The following KIF16B variants were observed in gnomAD, a reference collection of about 807,000 sequenced individuals.
KIF16B encodes kinesin family member 16B.
Under a neutral mutation model 156.3 loss-of-function variants are expected in KIF16B, and 98 were observed. That is an observed-to-expected ratio of 0.63 (90% CI 0.53 to 0.74). KIF16B has a LOEUF of 0.74. Among genes scored for constraint, KIF16B ranks in the 30% least tolerant of loss-of-function variants. The pLI, the probability that KIF16B is intolerant of heterozygous loss-of-function variation, is 0.00. For missense variants in KIF16B, 1,421 were observed against 1,606.5 expected (o/e 0.88, Z 1.97); for synonymous variants, 564 against 583.7 (o/e 0.97, Z 0.49).
chr20:16,352,460 A>T (rs2064356272), intron 23 of KIF16B, among the ~76,000 whole-genome samples: 1 of 152,184 alleles, frequency 6.6e-6, no homozygotes, highest in African/African-American at 2.4e-5. Context: ...TTTAAAGACC[A>T]GTGGTGGAAA....
At chr20:16,407,084 A>C (rs1301390419) in intron 15 of KIF16B, among the ~76,000 whole-genome samples, 1 of 152,218 alleles carries the variant, frequency 6.6e-6, no homozygotes, top group African/African-American at 2.4e-5. Flanking sequence ...AGTCTTCCTT[A>C]TTCAGAAAAC....
intron 5 of KIF16B, 59 bp downstream of exon 5, chr20:16,512,767 G>T: frequency 1.7e-6 from 2 of 1,184,238 alleles, no homozygotes; most frequent in South Asian, 1.2e-5. Flanking sequence ...CTAAATGCAG[G>T]CCAACCAGCA....
intron 12 of KIF16B, among the ~76,000 whole-genome samples, chr20:16,481,171 C>T (rs2067973321): frequency 6.6e-6 from 1 of 152,094 alleles, no homozygotes; most frequent in East Asian, 1.9e-4. Context: ...AAAAAGATCC[C>T]CAGTGATTCT....
chr20:16,552,272 A>G (rs573533520), intron 1 of KIF16B, among the ~76,000 whole-genome samples: 17 of 152,360 alleles, frequency 1.1e-4, no homozygotes, highest in African/African-American at 3.8e-4. Flanking sequence ...TAAGTCATAC[A>G]GAGAAGGGAA....
rs1327947742 is a variant in KIF16B, at chr20:16,441,761, A to T, written c.1303-11779T>A. ...TCAAAAGGGCAAGTACTGTGACCTA[A>T]CTCCTTCATTTGCCAGCTACCTTCT... is the stretch of plus-strand genomic sequence containing the variant. On this transcript the variant is annotated intron_variant, in intron 12 of 25. Transcript: ENST00000354981. Among the ~76,000 whole-genome samples the T allele has an allele frequency of 2.6e-5, 4 of 152,058 alleles. No homozygotes were observed. In the East Asian group the frequency reaches 7.8e-4, roughly 30 times the overall value.
intron 15 of KIF16B, among the ~76,000 whole-genome samples, chr20:16,406,923 G>A (rs1359137372): frequency 6.6e-6 from 1 of 152,156 alleles, no homozygotes; most frequent in Non-Finnish European, 1.5e-5. Flanking sequence ...GCATAATATA[G>A]GTAACTATTA....
chr20:16,364,611 A>G lies in KIF16B; in HGVS notation c.3498+5975T>C, dbSNP rs78763686. Among the ~76,000 whole-genome samples, 1,305 of 152,328 alleles carry G rather than the reference A, an allele frequency of 8.6e-3. 24 individuals are homozygous for G. Among genetic ancestry groups the G allele is most frequent in the African/African-American group, 0.03 (1,248 of 41,562 alleles). Reference sequence around the variant, plus strand: ...GAAATCACAGTGGATAATGGCACCAACAATACTCCACTGGCTTCCACAGGC... The same window carrying G: ...GAAATCACAGTGGATAATGGCACCAGCAATACTCCACTGGCTTCCACAGGC... On this transcript the variant is annotated intron_variant, in intron 22 of 25. Coordinates refer to ENST00000354981, the MANE Select transcript of KIF16B (RefSeq NM_024704.5).
intron 17 of KIF16B, among the ~76,000 whole-genome samples, chr20:16,392,728 C>T (rs2065399087): frequency 6.6e-6 from 1 of 152,236 alleles, no homozygotes; most frequent in Non-Finnish European, 1.5e-5. Context: ...TGTTGCAGTG[C>T]ATTTTCTTTT....
chr20:16,377,229 G>A (rs1239804335), intron 19 of KIF16B, among the ~76,000 whole-genome samples: 1 of 152,022 alleles, frequency 6.6e-6, no homozygotes, highest in Non-Finnish European at 1.5e-5. Flanking sequence ...ACTGCGGAGA[G>A]GGCAAGGTTT....
At chr20:16,281,795 A>C (rs985114924) in intron 25 of KIF16B, among the ~76,000 whole-genome samples, 5 of 151,990 alleles carry the variant, frequency 3.3e-5, no homozygotes, top group Non-Finnish European at 7.4e-5. Flanking sequence ...CTCCCCTCAC[A>C]GGTGCATGCT....
At chr20:16,543,043 T>C (rs62196284) in intron 1 of KIF16B, among the ~76,000 whole-genome samples, 5,850 of 152,096 alleles carry the variant, frequency 0.038, 174 homozygotes, top group Middle Eastern at 0.078. Context: ...CAAACACTAC[T>C]CTCTGAGGAG....
chr20:16,492,272 T>C (rs1269491175), intron 12 of KIF16B, among the ~76,000 whole-genome samples: 20 of 152,332 alleles, frequency 1.3e-4, no homozygotes, highest in Non-Finnish European at 1.5e-5. Flanking sequence ...ATAAAAACAT[T>C]TGAGTAGCTC....
chr20:16,358,897 T>C (rs1056919847), intron 22 of KIF16B, among the ~76,000 whole-genome samples: 3 of 152,212 alleles, frequency 2.0e-5, no homozygotes, highest in African/African-American at 4.8e-5. Flanking sequence ...TAATGAAACA[T>C]TGCTATTTTA....
chr20:16,427,646 G>A (rs2066391181), intron 14 of KIF16B, among the ~76,000 whole-genome samples: 1 of 152,032 alleles, frequency 6.6e-6, no homozygotes, highest in Non-Finnish European at 1.5e-5. Context: ...TGCTCCATGG[G>A]TCGAGGACTT....
chr20:16,298,661 C>A (rs2063426631), intron 25 of KIF16B, among the ~76,000 whole-genome samples: 1 of 152,008 alleles, frequency 6.6e-6, no homozygotes, highest in African/African-American at 2.4e-5. Flanking sequence ...AGCAAAGACC[C>A]TAAAAGAAAG....
intron 25 of KIF16B, among the ~76,000 whole-genome samples, chr20:16,293,309 G>T (rs1238843472): frequency 1.3e-5 from 2 of 152,324 alleles, no homozygotes; most frequent in East Asian, 3.9e-4. Context: ...TTTGGTAGGG[G>T]AGGAGGAAGG....
chr20:16,513,043 C>A (rs539816053), intron 4 of KIF16B, 120 bp from the exon 5 acceptor site: 4 of 676,492 alleles, frequency 5.9e-6, no homozygotes, highest in East Asian at 5.4e-5. Flanking sequence ...CCCTGGCCTA[C>A]CACAGCCCAC....
rs530971034 is a variant in KIF16B at position 16,383,625 on chromosome 20, T to C, written c.1785-1878A>G. ...TTAAAATATGATCATTTCTTTTTAT[T>C]TAAGAATAAACAGAACCTTAGGAAG... On this transcript the variant is annotated intron_variant, in intron 17 of 25. Coordinates refer to ENST00000354981, the MANE Select transcript of KIF16B (RefSeq NM_024704.5). Among the ~76,000 whole-genome samples, 93 of 152,338 alleles carry C rather than the reference T, an allele frequency of 6.1e-4. 1 individual carries two copies. Among genetic ancestry groups the C allele is most frequent in the African/African-American group, 2.0e-3 (84 of 41,580 alleles).
chr20:16,415,817 G>T (rs2066072029), intron 15 of KIF16B, among the ~76,000 whole-genome samples: 1 of 152,084 alleles, frequency 6.6e-6, no homozygotes, highest in Admixed American at 6.6e-5. Flanking sequence ...CACCCTCTGG[G>T]AGGAGTTTTG....
Sources: gnomAD v4.1 joint callset for allele counts (sites outside exome capture counted in the v4.1 genomes callset) on GRCh38, gnomAD v4.1.1 for gene constraint, MANE v1.5 for transcripts, NCBI Gene and HGNC (gene_info 2026-07-23, HGNC 2026-07-21) for gene names.